The following SPOCK1 variants were observed in gnomAD, a reference collection of about 807,000 sequenced individuals.
The protein encoded by SPOCK1 is testican-1.
In SPOCK1, 23 loss-of-function variants were observed where a neutral mutation model predicts 55.3. The ratio of observed to expected loss-of-function variants is 0.42; its 90% CI spans 0.30 to 0.59. The LOEUF (loss-of-function observed/expected upper bound fraction) is 0.59. Among genes scored for constraint, SPOCK1 ranks in the 20% least tolerant of loss-of-function variants. The probability of loss-of-function intolerance (pLI) is 0.22; values close to 1 mark genes in which losing one functional copy is unlikely to be tolerated. For synonymous variants in SPOCK1, 226 were observed against 221.0 expected (o/e 1.02, Z -0.20); for missense variants, 499 against 552.5 (o/e 0.90, Z 0.97).
chr5:137,134,914 C>T (rs1753952428), intron 4 of SPOCK1, among the ~76,000 whole-genome samples: 1 of 152,246 alleles, frequency 6.6e-6, no homozygotes, highest in African/African-American at 2.4e-5. Context: ...ACTGAAAACT[C>T]TCAGATCGGT....
At chr5:137,294,792 T>G (rs937640526) in intron 2 of SPOCK1, among the ~76,000 whole-genome samples, 1 of 152,228 alleles carries the variant, frequency 6.6e-6, no homozygotes, top group Non-Finnish European at 1.5e-5. Flanking sequence ...TCAGGCACAT[T>G]CTTGCCTCAG....
At chr5:137,061,076 T>C (rs1752386295) in intron 6 of SPOCK1, among the ~76,000 whole-genome samples, 1 of 152,234 alleles carries the variant, frequency 6.6e-6, no homozygotes. Flanking sequence ...GACAAGTGAA[T>C]GAAGCTGAAT....
intron 5 of SPOCK1, among the ~76,000 whole-genome samples, chr5:137,096,758 G>A (rs1270558053): frequency 6.7e-6 from 1 of 150,072 alleles, no homozygotes; most frequent in Non-Finnish European, 1.5e-5. Flanking sequence ...AAAGAATTAT[G>A]TAAACATATT....
chr5:137,328,908 C>T (rs964637537), intron 2 of SPOCK1, among the ~76,000 whole-genome samples: 1 of 152,164 alleles, frequency 6.6e-6, no homozygotes, highest in Non-Finnish European at 1.5e-5. Context: ...TATATAAAGT[C>T]AGAAACAGCT....
At chr5:137,325,017 A>G (rs1279674322) in intron 2 of SPOCK1, among the ~76,000 whole-genome samples, 1 of 152,022 alleles carries the variant, frequency 6.6e-6, no homozygotes, top group Non-Finnish European at 1.5e-5. Flanking sequence ...TTGTCAATAC[A>G]CCTGCAGATC....
rs181760873 is a variant in SPOCK1 at position 137,271,324 on chromosome 5, T to C, written c.187-4269A>G. 1.1e-3 allele frequency among the ~76,000 whole-genome samples: 171 copies of C among 150,546 alleles called. 1 individual carries two copies. The highest frequency in any genetic ancestry group is 2.1e-3 in the Non-Finnish European group (140 of 67,712). On this transcript the variant is annotated intron_variant, in intron 2 of 10. Coordinates refer to ENST00000394945, the MANE Select transcript of SPOCK1 (RefSeq NM_004598.4). ...TATTAATGCTTTAGAGATATTCTGTTCAGATAAGCATCAATGAAAAAGAAA... is the reference window on the plus strand; with the variant it reads ...TATTAATGCTTTAGAGATATTCTGTCCAGATAAGCATCAATGAAAAAGAAA...
chr5:137,007,764 T>C (rs1561577818), intron 6 of SPOCK1, among the ~76,000 whole-genome samples: 1 of 152,148 alleles, frequency 6.6e-6, no homozygotes, highest in East Asian at 1.9e-4. Flanking sequence ...AGAAATACCA[T>C]TTGACCCAGC....
At chr5:137,323,414 T>C (rs931402715) in intron 2 of SPOCK1, among the ~76,000 whole-genome samples, 2 of 152,020 alleles carry the variant, frequency 1.3e-5, no homozygotes, top group African/African-American at 4.8e-5. Flanking sequence ...AAAACTGTCA[T>C]AAGAGACAAA....
chr5:137,209,344 G>C (rs1755570473), intron 3 of SPOCK1, among the ~76,000 whole-genome samples: 1 of 152,200 alleles, frequency 6.6e-6, no homozygotes, highest in African/African-American at 2.4e-5. Flanking sequence ...GGCCATGTCA[G>C]AGCCAGCATC....
chr5:137,250,820 T>C (rs1358803757), intron 3 of SPOCK1, among the ~76,000 whole-genome samples: 3 of 152,174 alleles, frequency 2.0e-5, no homozygotes, highest in Non-Finnish European at 2.9e-5. Context: ...CCAAGCTGGA[T>C]TACTTGGGCT....
chr5:137,193,864 C>T (rs1185031547), intron 3 of SPOCK1, among the ~76,000 whole-genome samples: 2 of 152,108 alleles, frequency 1.3e-5, no homozygotes, highest in Admixed American at 1.3e-4. Flanking sequence ...ACATGGAGGG[C>T]TATAGGTACA....
chr5:137,185,392 G>A (rs557814573), intron 3 of SPOCK1, among the ~76,000 whole-genome samples: 1 of 152,324 alleles, frequency 6.6e-6, no homozygotes, highest in Admixed American at 6.5e-5. Flanking sequence ...CCAGAGCTGA[G>A]CTGCAGGTCA....
In SPOCK1 at chr5:137,061,318, C is replaced by T. The variant is rs368111586; in HGVS notation, c.589+6397G>A. Among the ~76,000 whole-genome samples the T allele has an allele frequency of 9.9e-5, 15 of 152,176 alleles. 1 individual carries two copies. The highest frequency in any genetic ancestry group is 3.4e-4 in the African/African-American group (14 of 41,436). On this transcript the variant is annotated intron_variant, in intron 6 of 10. Transcript: ENST00000394945. ...TCCCTTTTTCACCGCCTCCTGTTCC[C>T]TTTTATCCACGTTTCCAGCTCCACT...
intron 4 of SPOCK1, among the ~76,000 whole-genome samples, chr5:137,126,572 G>A (rs898609774): frequency 1.6e-4 from 25 of 152,300 alleles, no homozygotes; most frequent in African/African-American, 5.3e-4. Context: ...AGACCAGCCT[G>A]TACAACATGG....
At chr5:137,206,974 A>AC (rs1430545317) in intron 3 of SPOCK1, among the ~76,000 whole-genome samples, 1 of 152,230 alleles carries the variant, frequency 6.6e-6, no homozygotes, top group Non-Finnish European at 1.5e-5. Flanking sequence ...TCCAGAGGCC[A>AC]CATGCTGAAC....
At chr5:137,297,737 C>T (rs2127134819) in intron 2 of SPOCK1, among the ~76,000 whole-genome samples, 1 of 152,022 alleles carries the variant, frequency 6.6e-6, no homozygotes, top group Non-Finnish European at 1.5e-5. Context: ...ATGAGCAGAC[C>T]AAGGATTGTC....
intron 3 of SPOCK1, among the ~76,000 whole-genome samples, chr5:137,206,306 G>A (rs1181257196): frequency 6.6e-6 from 1 of 152,342 alleles, no homozygotes; most frequent in East Asian, 1.9e-4. Flanking sequence ...CCAAGCCTCT[G>A]GAGCTTCATG....
At position 137,204,038 on chromosome 5, in the gene SPOCK1, C is replaced by T. The variant is rs572643160; in HGVS notation, c.232+62972G>A. 1.0e-3 allele frequency among the ~76,000 whole-genome samples: 159 copies of T among 152,228 alleles called. 1 individual carries two copies. Among genetic ancestry groups the T allele is most frequent in the Middle Eastern group, 3.4e-3 (1 of 294 alleles). On this transcript the variant is annotated intron_variant, in intron 3 of 10. Coordinates refer to ENST00000394945, the MANE Select transcript of SPOCK1 (RefSeq NM_004598.4). Reference sequence around the variant, plus strand: ...GCTGGGGCTCTGGATTCTGACAGATCTGGATTTGTCCTGTACTCTGCATTT... The same window carrying T: ...GCTGGGGCTCTGGATTCTGACAGATTTGGATTTGTCCTGTACTCTGCATTT...
At chr5:137,459,455 T>TTA (rs1260114086) in intron 2 of SPOCK1, among the ~76,000 whole-genome samples, 1 of 150,944 alleles carries the variant, frequency 6.6e-6, no homozygotes, top group Non-Finnish European at 1.5e-5. Context: ...GAAAGGCTTT[T>TTA]TTTTTTTTTT....
Sources: gnomAD v4.1 joint callset for allele counts (sites outside exome capture counted in the v4.1 genomes callset) on GRCh38, gnomAD v4.1.1 for gene constraint, MANE v1.5 for transcripts, NCBI Gene and HGNC (gene_info 2026-07-23, HGNC 2026-07-21) for gene names.